The following PATJ variants were observed in gnomAD, a reference collection of about 807,000 sequenced individuals.
PATJ encodes PATJ crumbs cell polarity complex component, also known as inaD-like protein.
Under a neutral mutation model 224.9 loss-of-function variants are expected in PATJ, and 190 were observed. The observed-to-expected ratio is 0.84, with a 90% CI of 0.75 to 0.95. The LOEUF is 0.95. Ranked by LOEUF, PATJ falls within the 40% of genes least tolerant of loss-of-function variation. The pLI, the probability that PATJ is intolerant of heterozygous loss-of-function variation, is 0.00. For missense variants in PATJ, 2,121 were observed against 2,270.3 expected, an observed-to-expected ratio of 0.93 and a Z score of 1.34; for synonymous variants, 769 against 820.3, an observed-to-expected ratio of 0.94 and a Z score of 1.07.
In PATJ at chr1:62,017,951, A is replaced by G. The variant is rs41313250; in HGVS notation, c.3959+4A>G. 165,380 of 1,565,900 alleles carry G rather than the reference A, an allele frequency of 0.11. 9,952 individuals are homozygous for G. The highest frequency in any genetic ancestry group is 0.15 in the Middle Eastern group (880 of 5,960). Reference sequence around the variant, plus strand: ...AGGTCAAGCTGGTTTTCATCAGGTAAGATTGCTAGATCTGGTTTTGCAAAA... The same window carrying G: ...AGGTCAAGCTGGTTTTCATCAGGTAGGATTGCTAGATCTGGTTTTGCAAAA... On this transcript the variant is annotated splice_donor_region_variant and intron_variant, in intron 29 of 43. Transcript: ENST00000642238.
At chr1:61,856,642 G>A (rs980926125) in intron 18 of PATJ, among the ~76,000 whole-genome samples, 3 of 152,166 alleles carry the variant, frequency 2.0e-5, no homozygotes, top group African/African-American at 7.2e-5. Flanking sequence ...AGGCTGGAGT[G>A]CAGTGGCACG....
intron 29 of PATJ, among the ~76,000 whole-genome samples, chr1:62,031,514 T>G (rs1237034334): frequency 6.6e-6 from 1 of 152,234 alleles, no homozygotes; most frequent in Admixed American, 6.5e-5. Context: ...GTGAGCAGAC[T>G]TAGAACCTTG....
intron 27 of PATJ, among the ~76,000 whole-genome samples, chr1:61,956,958 G>A (rs1680525205): frequency 6.6e-6 from 1 of 152,156 alleles, no homozygotes; most frequent in South Asian, 2.1e-4. Flanking sequence ...TCCCCCTTGA[G>A]TCTGTTACTC....
At chr1:61,849,895 T>C (rs1223970578) in intron 17 of PATJ, among the ~76,000 whole-genome samples, 1 of 152,228 alleles carries the variant, frequency 6.6e-6, no homozygotes, top group Non-Finnish European at 1.5e-5. Context: ...TTTATTGGGG[T>C]AATACTGCTA....
At chr1:61,814,136 T>TC (rs1655544754) in intron 14 of PATJ, among the ~76,000 whole-genome samples, 2 of 142,074 alleles carry the variant, frequency 1.4e-5, no homozygotes, top group Admixed American at 1.4e-4. Context: ...TCTTCTTTTT[T>TC]TTTTTTTTTT....
intron 18 of PATJ, among the ~76,000 whole-genome samples, chr1:61,856,647 G>A (rs552768662): frequency 6.6e-6 from 1 of 152,238 alleles, no homozygotes; most frequent in East Asian, 1.9e-4. Flanking sequence ...GGAGTGCAGT[G>A]GCACGATCTT....
chr1:61,830,583 C>G (rs773920065), intron 16 of PATJ, among the ~76,000 whole-genome samples: 14 of 151,390 alleles, frequency 9.2e-5, no homozygotes, highest in Non-Finnish European at 1.9e-4. Context: ...CAGTCCTAAC[C>G]AAAAAGAACA....
At chr1:62,045,497 C>T (rs1262846104) in intron 30 of PATJ, among the ~76,000 whole-genome samples, 1 of 152,128 alleles carries the variant, frequency 6.6e-6, no homozygotes, top group African/African-American at 2.4e-5. Context: ...AAAGACTAAC[C>T]TCAGTAGGGG....
chr1:62,017,197 C>T lies in PATJ; in HGVS notation c.3868-659C>T, dbSNP rs184023834. ...TTGGGAGGCCAAGGCCTAAGGATCA[C>T]ATGGTCAGGAGTCCTAACCCAGCCT... On this transcript the variant is annotated intron_variant, in intron 28 of 43. Coordinates refer to ENST00000642238, the MANE Select transcript of PATJ (RefSeq NM_001350145.3). 3.3e-3 allele frequency among the ~76,000 whole-genome samples: 505 copies of T among 152,292 alleles called. 2 individuals carry two copies. The highest frequency in any genetic ancestry group is 5.1e-3 in the Non-Finnish European group (348 of 68,022).
chr1:61,773,754 T>A lies in PATJ; in HGVS notation c.721-1452T>A, dbSNP rs1019938275. 4.0e-5 allele frequency among the ~76,000 whole-genome samples: 6 copies of A among 151,294 alleles called. No homozygotes were observed. In the South Asian group the frequency reaches 6.3e-4, roughly 16 times the overall value. On this transcript the variant is annotated intron_variant, in intron 6 of 43. Transcript: ENST00000642238. ...GTGAGCTATTATGCCACTGTACTCC[T>A]GCCTGGGTGACAGAGTGAGACTCTG...
At chr1:61,863,034 T>G (rs941593635) in intron 19 of PATJ, among the ~76,000 whole-genome samples, 17 of 140,832 alleles carry the variant, frequency 1.2e-4, no homozygotes, top group Admixed American at 2.8e-4. Context: ...TCAGTTTTTT[T>G]TTTTTTTTTT....
intron 31 of PATJ, among the ~76,000 whole-genome samples, chr1:62,077,879 G>A (rs1278589796): frequency 6.6e-6 from 1 of 152,070 alleles, no homozygotes; most frequent in Non-Finnish European, 1.5e-5. Context: ...ATTTATGCTT[G>A]GTTTTCTGCA....
At chr1:61,871,157 A>T (rs1473679485) in intron 20 of PATJ, among the ~76,000 whole-genome samples, 3 of 146,256 alleles carry the variant, frequency 2.1e-5, no homozygotes, top group Non-Finnish European at 3.0e-5. Context: ...TAGAAAAAAA[A>T]ACTTCTCTAT....
At chr1:61,815,692 T>A (rs1655960264) in intron 14 of PATJ, among the ~76,000 whole-genome samples, 1 of 152,024 alleles carries the variant, frequency 6.6e-6, no homozygotes, top group South Asian at 2.1e-4. Flanking sequence ...TCTATATTTT[T>A]AAAAAAAGAA....
chr1:61,926,753 T>C (rs1229397990), intron 26 of PATJ, among the ~76,000 whole-genome samples: 1 of 152,242 alleles, frequency 6.6e-6, no homozygotes, highest in Non-Finnish European at 1.5e-5. Context: ...TGTGCTTTCC[T>C]TTATGACTCT....
intron 28 of PATJ, among the ~76,000 whole-genome samples, chr1:62,007,201 T>C (rs1646143305): frequency 6.6e-6 from 1 of 152,130 alleles, no homozygotes; most frequent in Non-Finnish European, 1.5e-5. Flanking sequence ...TTTTATTGAG[T>C]TGGAAATTCA....
chr1:61,744,809 G>A (rs6685551), intron 1 of PATJ, among the ~76,000 whole-genome samples: 40,278 of 152,020 alleles, frequency 0.26, 5,594 homozygotes, highest in East Asian at 0.39. Flanking sequence ...CCAATCACAA[G>A]TCCTAGATTG....
At chr1:61,959,762 A>G (rs1404231817) in intron 27 of PATJ, among the ~76,000 whole-genome samples, 2 of 152,030 alleles carry the variant, frequency 1.3e-5, no homozygotes, top group South Asian at 2.1e-4. Context: ...GTTCTGTCAT[A>G]TGGGTCTCAA....
At chr1:61,909,525 T>A (rs2149206235) in intron 25 of PATJ, among the ~76,000 whole-genome samples, 2 of 152,230 alleles carry the variant, frequency 1.3e-5, no homozygotes, top group South Asian at 4.1e-4. Context: ...TAGCCTAGAG[T>A]GCAGTGGCAT....
Sources: gnomAD v4.1 joint callset for allele counts (sites outside exome capture counted in the v4.1 genomes callset) on GRCh38, gnomAD v4.1.1 for gene constraint, MANE v1.5 for transcripts, NCBI Gene and HGNC (gene_info 2026-07-23, HGNC 2026-07-21) for gene names.